The following ADCK1 variants were observed in gnomAD, a reference collection of about 807,000 sequenced individuals.
ADCK1 encodes the protein aarF domain containing kinase 1.
ADCK1 carries 41 observed loss-of-function variants against 52.3 expected under a neutral mutation model. The ratio of observed to expected loss-of-function variants is 0.78; its 90% CI spans 0.61 to 1.02. The LOEUF (loss-of-function observed/expected upper bound fraction) is 1.02, where lower values mean the gene tolerates loss of function less well. ADCK1 is among the 50% of genes least tolerant of loss of function. The pLI is 0.00. For missense variants in ADCK1, 658 were observed against 679.5 expected (o/e 0.97, Z 0.35); for synonymous variants, 250 against 274.6 (o/e 0.91, Z 0.89).
At chr14:77,824,436 C>CTTTTTTTTT (rs755099441) in intron 3 of ADCK1, among the ~76,000 whole-genome samples, 1 of 133,960 alleles carries the variant, frequency 7.5e-6, no homozygotes, top group Non-Finnish European at 1.6e-5. Flanking sequence ...TTCTTTCTTT[C>CTTTTTTTTT]TTTTTTTTTT....
chr14:77,869,183 C>T (rs1380487524), intron 4 of ADCK1, among the ~76,000 whole-genome samples: 1 of 152,126 alleles, frequency 6.6e-6, no homozygotes, highest in Non-Finnish European at 1.5e-5. Context: ...TCGGGCTAGC[C>T]GCAAACCTCT....
intron 3 of ADCK1, among the ~76,000 whole-genome samples, chr14:77,846,661 G>T (rs896991566): frequency 6.6e-6 from 1 of 152,228 alleles, no homozygotes; most frequent in African/African-American, 2.4e-5. Context: ...TCCCTGCTGA[G>T]AAAGGGCAGA....
At chr14:77,854,643 G>A (rs916890592) in intron 3 of ADCK1, among the ~76,000 whole-genome samples, 3 of 145,066 alleles carry the variant, frequency 2.1e-5, no homozygotes, top group Non-Finnish European at 4.5e-5. Context: ...TACAACCTCC[G>A]CCTCCTGGAT....
At chr14:77,882,697 T>C (rs2083054836) in intron 4 of ADCK1, among the ~76,000 whole-genome samples, 1 of 151,472 alleles carries the variant, frequency 6.6e-6, no homozygotes, top group Non-Finnish European at 1.5e-5. Flanking sequence ...CTCTAGAAGA[T>C]CCTGACTTCC....
intron 5 of ADCK1, among the ~76,000 whole-genome samples, chr14:77,897,374 A>G (rs2083433762): frequency 6.6e-6 from 1 of 152,170 alleles, no homozygotes; most frequent in African/African-American, 2.4e-5. Context: ...CTACAGAGCC[A>G]TCATCCAGGA....
At chr14:77,844,931 G>A (rs1437547353) in intron 3 of ADCK1, among the ~76,000 whole-genome samples, 1 of 152,238 alleles carries the variant, frequency 6.6e-6, no homozygotes, top group African/African-American at 2.4e-5. Context: ...AGTGCGTGCT[G>A]TGGTTGATTA....
chr14:77,874,135 G>A (rs556908219), intron 4 of ADCK1, among the ~76,000 whole-genome samples: 163 of 152,332 alleles, frequency 1.1e-3, no homozygotes, highest in African/African-American at 3.8e-3. Flanking sequence ...TCTTTCCACA[G>A]TGGTACAAAT....
At chr14:77,916,311 A>G (rs1193353112) in intron 7 of ADCK1, among the ~76,000 whole-genome samples, 1 of 151,810 alleles carries the variant, frequency 6.6e-6, no homozygotes, top group Non-Finnish European at 1.5e-5. Context: ...CTGGCCAGAG[A>G]GACTCATTAA....
chr14:77,917,237 A>G (rs983527425), intron 7 of ADCK1, among the ~76,000 whole-genome samples: 2 of 151,958 alleles, frequency 1.3e-5, no homozygotes, highest in Non-Finnish European at 2.9e-5. Context: ...TTTTTTCAAA[A>G]AGCTCTAGGT....
At chr14:77,909,099 A>G (rs1436102782) in intron 7 of ADCK1, among the ~76,000 whole-genome samples, 3 of 147,606 alleles carry the variant, frequency 2.0e-5, no homozygotes, top group South Asian at 4.3e-4. Context: ...GAAGGAAGGA[A>G]GTGGGCCACG....
intron 6 of ADCK1, among the ~76,000 whole-genome samples, chr14:77,902,054 C>T (rs2083560053): frequency 2.0e-5 from 3 of 152,188 alleles, no homozygotes. Context: ...GGAAAAGGGA[C>T]TCTCTCATTC....
chr14:77,915,024 C>T (rs1422479126), intron 7 of ADCK1, among the ~76,000 whole-genome samples: 5 of 152,126 alleles, frequency 3.3e-5, no homozygotes, highest in Admixed American at 6.5e-5. Flanking sequence ...CATTTTGGCT[C>T]AGTGTCATTT....
intron 3 of ADCK1, among the ~76,000 whole-genome samples, chr14:77,826,959 A>G (rs531859273): frequency 6.6e-6 from 1 of 152,262 alleles, no homozygotes; most frequent in African/African-American, 2.4e-5. Context: ...TTTTCTGCTG[A>G]GTGAGCTGAG....
At chr14:77,911,481 A>C (rs1335443164) in intron 7 of ADCK1, among the ~76,000 whole-genome samples, 1 of 152,184 alleles carries the variant, frequency 6.6e-6, no homozygotes, top group Non-Finnish European at 1.5e-5. Context: ...ATTGCTCTGC[A>C]CCAAGGCAGT....
chr14:77,845,352 G>C (rs780227467), intron 3 of ADCK1, among the ~76,000 whole-genome samples: 5 of 152,102 alleles, frequency 3.3e-5, no homozygotes, highest in African/African-American at 7.2e-5. Flanking sequence ...ATGTATAAAG[G>C]GTTCAGAGTA....
In ADCK1 at chr14:77,851,425, T is replaced by A. The variant is rs572154346; in HGVS notation, c.220-7651T>A. Reference sequence around the variant, plus strand: ...GCCACTGCGCCTGGCCATATTTGGGTCTTTTTAAGAGTAGTTTGACAATCT... The same window carrying A: ...GCCACTGCGCCTGGCCATATTTGGGACTTTTTAAGAGTAGTTTGACAATCT... On this transcript the variant is annotated intron_variant, in intron 3 of 10. Coordinates refer to ENST00000238561, the MANE Select transcript of ADCK1 (RefSeq NM_020421.4). Among the ~76,000 whole-genome samples the A allele has an allele frequency of 5.8e-4, 89 of 152,264 alleles. No homozygotes were observed. The Middle Eastern group carries it at 0.02, about 35-fold the overall frequency.
chr14:77,902,886 G>A (rs2083577498), intron 6 of ADCK1: 1 of 152,250 alleles, frequency 6.6e-6, no homozygotes, highest in Non-Finnish European at 1.5e-5. Flanking sequence ...TATTGCAGAG[G>A]ACAGTTTGAG....
intron 3 of ADCK1, among the ~76,000 whole-genome samples, chr14:77,852,909 T>TATATATATATATATATATA (rs56396469): frequency 1.5e-4 from 3 of 19,838 alleles, no homozygotes; most frequent in South Asian, 1.6e-3. Context: ...ATATATATAT[T>TATATATATATATATATATA]TTTTTTTTTT....
At chr14:77,881,519 A>G (rs1011501884) in intron 4 of ADCK1, among the ~76,000 whole-genome samples, 12 of 152,246 alleles carry the variant, frequency 7.9e-5, no homozygotes, top group Non-Finnish European at 1.2e-4. Flanking sequence ...ATTATTTAAA[A>G]AATTATGGAC....
Sources: gnomAD v4.1 joint callset for allele counts (sites outside exome capture counted in the v4.1 genomes callset) on GRCh38, gnomAD v4.1.1 for gene constraint, MANE v1.5 for transcripts, NCBI Gene and HGNC (gene_info 2026-07-23, HGNC 2026-07-21) for gene names.